AQR: variants seen among roughly 807,000 people sequenced by gnomAD.
The protein encoded by AQR is RNA helicase aquarius.
Under a neutral mutation model 180.5 loss-of-function variants are expected in AQR, and 61 were observed. That is an observed-to-expected ratio of 0.34 (90% CI 0.28 to 0.42). The LOEUF (loss-of-function observed/expected upper bound fraction) is 0.42, where lower values mean the gene tolerates loss of function less well. AQR is among the 10% of genes least tolerant of loss of function. AQR has a pLI of 1.00. For synonymous variants in AQR, 551 were observed against 588.8 expected (o/e 0.94, Z 0.93); for missense variants, 1,281 against 1,798.3 (o/e 0.71, Z 5.20).
chr15:34,943,078 G>A (rs765653522), intron 6 of AQR: 18 of 1,611,462 alleles, frequency 1.1e-5, no homozygotes, highest in East Asian at 1.1e-4. Context: ...GCTCACGCAA[G>A]CATGGTTAAC....
intron 32 of AQR, 102 bp downstream of exon 32, chr15:34,867,422 A>T: frequency 1.0e-6 from 1 of 975,824 alleles, no homozygotes; most frequent in Non-Finnish European, 1.6e-6. Flanking sequence ...TAGTAATTAT[A>T]GTTTAAACTT....
chr15:34,896,543 TAA>T (rs34623885), intron 22 of AQR, among the ~76,000 whole-genome samples: 112 of 135,458 alleles, frequency 8.3e-4, no homozygotes, highest in African/African-American at 1.4e-3. Context: ...TAATCTATGT[TAA>T]AAAAAAAAAA....
At chr15:34,932,681 C>T (rs1338091575) in intron 10 of AQR, among the ~76,000 whole-genome samples, 7 of 152,048 alleles carry the variant, frequency 4.6e-5, no homozygotes, top group African/African-American at 9.7e-5. Context: ...AAATAAAGGC[C>T]GGGCGCGGTG....
chr15:34,897,845 C>T (rs184388891), intron 20 of AQR, 140 bp from the exon 21 acceptor site: 1 of 933,876 alleles, frequency 1.1e-6, no homozygotes, highest in East Asian at 2.6e-5. Context: ...TGTATGTAAA[C>T]TCTGAAAATG....
intron 14 of AQR, among the ~76,000 whole-genome samples, chr15:34,919,555 A>ACAGGATC (rs1893651951): frequency 6.6e-6 from 1 of 152,184 alleles, no homozygotes; most frequent in African/African-American, 2.4e-5. Flanking sequence ...CAAGACCTTA[A>ACAGGATC]TAGGCACAGG....
intron 32 of AQR, among the ~76,000 whole-genome samples, chr15:34,864,738 T>C (rs1892718622): frequency 1.3e-5 from 2 of 152,172 alleles, no homozygotes; most frequent in Non-Finnish European, 2.9e-5. Flanking sequence ...CAATGACCAC[T>C]GTATGGTCTC....
rs963067306 is a variant in AQR, at chr15:34,929,457, A to G, written c.1014+801T>C. 9.2e-5 allele frequency among the ~76,000 whole-genome samples: 14 copies of G among 152,168 alleles called. No individual in the cohort carries two copies. The Middle Eastern group carries it at 0.017, about 185-fold the overall frequency. On this transcript the variant is annotated intron_variant, in intron 12 of 34. Coordinates refer to ENST00000156471, the MANE Select transcript of AQR (RefSeq NM_014691.3). Reference sequence around the variant, plus strand: ...TTACTGAATAGGAGATCCTTTCCCCATTGCTTGTTTTTGTCAGGTTTGTCA... The same window carrying G: ...TTACTGAATAGGAGATCCTTTCCCCGTTGCTTGTTTTTGTCAGGTTTGTCA...
intron 1 of AQR, among the ~76,000 whole-genome samples, chr15:34,967,161 C>T (rs982990122): frequency 6.6e-6 from 1 of 150,674 alleles, no homozygotes; most frequent in African/African-American, 2.4e-5. Context: ...CAGGTGTAAT[C>T]CCACTGCGAG....
At chr15:34,867,503 T>G in intron 32 of AQR, 21 bp downstream of exon 32, 1 of 1,591,058 alleles carries the variant, frequency 6.3e-7, no homozygotes, top group Non-Finnish European at 8.6e-7. Context: ...ATAAATATTA[T>G]GAAAGTTTTT....
At chr15:34,946,925 G>A (rs1330614792) in intron 5 of AQR, among the ~76,000 whole-genome samples, 2 of 151,218 alleles carry the variant, frequency 1.3e-5, no homozygotes, top group Non-Finnish European at 3.0e-5. Context: ...CGCCCCATCC[G>A]GGAGGTGAGG....
intron 15 of AQR, among the ~76,000 whole-genome samples, chr15:34,916,262 C>A (rs146992384): frequency 6.6e-6 from 1 of 152,170 alleles, no homozygotes. Flanking sequence ...TCTGGCTAAA[C>A]TTTAAGGACC....
At chr15:34,903,364 A>G (rs949138421) in intron 19 of AQR, among the ~76,000 whole-genome samples, 2 of 152,114 alleles carry the variant, frequency 1.3e-5, no homozygotes, top group African/African-American at 4.8e-5. Context: ...ATCAAGGTAT[A>G]CTTCACATTT....
chr15:34,943,309 G>A (rs1330485313), intron 6 of AQR: 2 of 1,531,356 alleles, frequency 1.3e-6, no homozygotes, highest in East Asian at 2.2e-5. Context: ...CCCAACTGCA[G>A]ATCTAAGAGA....
intron 30 of AQR, 53 bp downstream of exon 30, chr15:34,873,773 CAT>C (rs1892855249): frequency 7.0e-7 from 1 of 1,427,210 alleles, no homozygotes. Flanking sequence ...CTGATTTAGG[CAT>C]ATGTCAGCCA....
chr15:34,927,068 C>G lies in AQR; in HGVS notation c.1085G>C (p.Arg362Pro). 6.3e-7 allele frequency: 1 copy of G among 1,595,210 alleles called. No homozygotes were observed. Among genetic ancestry groups the G allele is most frequent in the Non-Finnish European group, 8.5e-7 (1 of 1,170,256 alleles). Residue 362 changes from arginine to proline, a missense_variant, in exon 13 of 35, where the codon CGG becomes CCG. Around this residue, in one of 9 missense-constraint regions of AQR, gnomAD observed 404 missense variants for 490.9 expected, o/e 0.82. Coordinates refer to ENST00000156471, the MANE Select transcript of AQR (RefSeq NM_014691.3). Reference protein sequence around the residue: ...ALSNVAEVDTRESLVKFFGPL... With the variant: ...ALSNVAEVDTPESLVKFFGPL... Reference sequence around the variant, plus strand: ...TCCAAAAAACTTGACCAAGGACTCCCGAGTATCTACTTCTGCCACATTTGA... The same window carrying G: ...TCCAAAAAACTTGACCAAGGACTCCGGAGTATCTACTTCTGCCACATTTGA...
intron 15 of AQR, among the ~76,000 whole-genome samples, chr15:34,917,131 G>A (rs1429748858): frequency 6.6e-6 from 1 of 152,112 alleles, no homozygotes; most frequent in African/African-American, 2.4e-5. Context: ...CTAGACATGA[G>A]AAAGCAACAT....
intron 16 of AQR, among the ~76,000 whole-genome samples, chr15:34,914,147 T>C (rs1038989982): frequency 6.6e-6 from 1 of 152,198 alleles, no homozygotes; most frequent in African/African-American, 2.4e-5. Flanking sequence ...ATACATGGTG[T>C]CCTATTATAT....
At chr15:34,930,688 C>CA (rs1893838133) in intron 11 of AQR, among the ~76,000 whole-genome samples, 1 of 152,130 alleles carries the variant, frequency 6.6e-6, no homozygotes, top group Admixed American at 6.5e-5. Context: ...TTTAATGAAA[C>CA]AAACAACATC....
chr15:34,885,466 G>A (rs1893045261), intron 25 of AQR, among the ~76,000 whole-genome samples: 1 of 152,146 alleles, frequency 6.6e-6, no homozygotes, highest in African/African-American at 2.4e-5. Context: ...TGAATGAGAA[G>A]CTATAGGAAC....
Sources: allele counts gnomAD v4.1 joint callset (sites outside exome capture counted in the v4.1 genomes callset), GRCh38; gene constraint gnomAD v4.1.1; regional missense constraint gnomAD v4.1.1; transcripts MANE v1.5; gene names NCBI Gene and HGNC (gene_info 2026-07-23, HGNC 2026-07-21).